The following UBE2W variants were observed in gnomAD, a reference collection of about 807,000 sequenced individuals.
UBE2W encodes ubiquitin-conjugating enzyme E2 W.
Under a neutral mutation model 27.2 loss-of-function variants are expected in UBE2W, and 18 were observed. The ratio of observed to expected loss-of-function variants is 0.66; its 90% CI spans 0.46 to 0.98. UBE2W has a LOEUF of 0.98. Ranked by LOEUF, UBE2W falls within the 50% of genes least tolerant of loss-of-function variation. The pLI is 0.00. For missense variants in UBE2W, 90 were observed against 180.2 expected, an observed-to-expected ratio of 0.50 and a Z score of 2.87; for synonymous variants, 53 against 57.2, an observed-to-expected ratio of 0.93 and a Z score of 0.33.
intron 1 of UBE2W, among the ~76,000 whole-genome samples, chr8:73,867,484 G>A (rs1193383775): frequency 6.6e-6 from 1 of 151,402 alleles, no homozygotes; most frequent in East Asian, 1.9e-4. Flanking sequence ...GCAGTGAGCC[G>A]AGATCACGCC....
chr8:73,802,907 C>T (rs1247782886), intron 5 of UBE2W, among the ~76,000 whole-genome samples: 5 of 152,228 alleles, frequency 3.3e-5, no homozygotes, highest in Non-Finnish European at 7.3e-5. Context: ...CCTGTAGTCC[C>T]AGCTACGCGG....
At chr8:73,812,407 T>TA (rs767986316) in intron 3 of UBE2W, among the ~76,000 whole-genome samples, 138 of 151,526 alleles carry the variant, frequency 9.1e-4, no homozygotes, top group Non-Finnish European at 1.3e-3. Flanking sequence ...TACTTTTTGC[T>TA]AAAAAAAAGT....
At chr8:73,848,846 T>C (rs997847487) in intron 1 of UBE2W, among the ~76,000 whole-genome samples, 3 of 152,218 alleles carry the variant, frequency 2.0e-5, no homozygotes, top group Non-Finnish European at 4.4e-5. Context: ...TTTGTGAATA[T>C]ATGAACTTTA....
Position 73,789,307 on chromosome 8 carries a change from TAAAAAAAAAA to T in UBE2W, c.*4785_*4794del, listed in dbSNP as rs10652083. 2.3e-3 allele frequency: 94 copies of T among 40,058 alleles called. 2 individuals carry two copies. The highest frequency in any genetic ancestry group is 0.015 in the East Asian group (13 of 866). 2.5% of individuals were successfully genotyped at this position (40,058 alleles called of 1,614,324 possible). On this transcript the variant is annotated 3_prime_UTR_variant, in exon 6 of 6. Transcript: ENST00000602593. ...GCAACATGGTGAGACCTCGTGTCTT[TAAAAAAAAAA>T]AAAAAAAAAAAAAAAAAAAAAAAAA... is the stretch of plus-strand genomic sequence containing the variant.
chr8:73,791,202 TTC>T lies in UBE2W; in HGVS notation c.*2898_*2899del. ...AACCATAAAATGTATTTTTAAAAAA[TTC>T]TCTTAAAAACTGAAAACAATCCTTC... On this transcript the variant is annotated 3_prime_UTR_variant, in exon 6 of 6. Coordinates refer to ENST00000602593, the MANE Select transcript of UBE2W (RefSeq NM_018299.6). 1 of 983,532 alleles carries T rather than the reference TTC, an allele frequency of 1.0e-6. No individual in the cohort carries two copies. The highest frequency in any genetic ancestry group is 1.2e-6 in the Non-Finnish European group (1 of 829,112). The allele number at this position is 983,532 out of a possible 1,614,324, so 60.9% of individuals were successfully genotyped here.
intron 1 of UBE2W, among the ~76,000 whole-genome samples, chr8:73,853,578 T>C (rs1359100767): frequency 6.6e-6 from 1 of 152,162 alleles, no homozygotes; most frequent in Admixed American, 6.6e-5. Flanking sequence ...ATATATTTAA[T>C]TGGAAACTCA....
chr8:73,878,609 G>C (rs1812344460), intron 1 of UBE2W, among the ~76,000 whole-genome samples, 199 bp downstream of exon 1: 1 of 152,078 alleles, frequency 6.6e-6, no homozygotes, highest in African/African-American at 2.4e-5. Flanking sequence ...CGCTTCGACC[G>C]ACGGATACCG....
At chr8:73,871,874 A>G (rs1812020809) in intron 1 of UBE2W, among the ~76,000 whole-genome samples, 1 of 152,194 alleles carries the variant, frequency 6.6e-6, no homozygotes, top group East Asian at 1.9e-4. Flanking sequence ...GCTGGAGTGC[A>G]GCGGCACTTT....
chr8:73,782,812 G>A (rs762678229), downstream of UBE2W, among the ~76,000 whole-genome samples: 2 of 152,186 alleles, frequency 1.3e-5, no homozygotes, highest in Non-Finnish European at 2.9e-5. Context: ...GATTTGTATA[G>A]TAGGTATGTG....
chr8:73,865,761 CCTTT>C (rs1260032350), intron 1 of UBE2W, among the ~76,000 whole-genome samples: 2 of 151,970 alleles, frequency 1.3e-5, no homozygotes, highest in Non-Finnish European at 2.9e-5. Context: ...TATATATGTT[CCTTT>C]CATGTAGTAC....
At chr8:73,822,789 A>G (rs1169651288) in intron 3 of UBE2W, among the ~76,000 whole-genome samples, 4 of 151,976 alleles carry the variant, frequency 2.6e-5, no homozygotes, top group African/African-American at 9.7e-5. Context: ...GTCTCAAAAA[A>G]AACAAAACAA....
chr8:73,878,378 C>T (rs528353091), intron 1 of UBE2W, among the ~76,000 whole-genome samples: 35 of 152,332 alleles, frequency 2.3e-4, no homozygotes, highest in Non-Finnish European at 4.1e-4. Context: ...CTCCCGCACA[C>T]TCAGCCCCCC....
At chr8:73,869,109 A>G (rs1811893031) in intron 1 of UBE2W, among the ~76,000 whole-genome samples, 1 of 152,244 alleles carries the variant, frequency 6.6e-6, no homozygotes, top group South Asian at 2.1e-4. Flanking sequence ...GTATTCATAC[A>G]AGCTACAACA....
At position 73,788,230 on chromosome 8, in the gene UBE2W, C is replaced by T. The variant is rs1425751714; in HGVS notation, c.*5872G>A. 1 of 941,982 alleles carries T rather than the reference C, an allele frequency of 1.1e-6. No homozygotes were observed. The highest frequency in any genetic ancestry group is 1.3e-6 in the Non-Finnish European group (1 of 790,748). The allele number at this position is 941,982 out of a possible 1,614,324, so 58.4% of individuals were successfully genotyped here. A position where few individuals can be genotyped will look rare whatever the true frequency, so the allele number is the denominator to read the frequency against. On this transcript the variant is annotated 3_prime_UTR_variant, in exon 6 of 6. Coordinates refer to ENST00000602593, the MANE Select transcript of UBE2W (RefSeq NM_018299.6). The stretch of plus-strand genomic sequence containing the variant: ...GATACATGTATTAAAAAATATATAA[C>T]ATAGATTTGTCTGTTTTAACATTTA...
At position 73,823,085 on chromosome 8, in the gene UBE2W, A is replaced by G. The variant is rs7007687; in HGVS notation, c.210+2062T>C. Among the ~76,000 whole-genome samples, 433 of 152,272 alleles carry G rather than the reference A, an allele frequency of 2.8e-3. 4 individuals carry two copies. The highest frequency in any genetic ancestry group is 0.01 in the Middle Eastern group (3 of 294). On this transcript the variant is annotated intron_variant, in intron 3 of 5. Transcript: ENST00000602593. The stretch of plus-strand genomic sequence containing the variant: ...TCCCAGAGCTGTAGATCTGGGAGTT[A>G]GCTGCTTAAGGTGACTGAAGGTGAA...
intron 3 of UBE2W, among the ~76,000 whole-genome samples, chr8:73,812,309 C>T (rs531633803): frequency 3.3e-5 from 5 of 151,696 alleles, no homozygotes; most frequent in Non-Finnish European, 7.4e-5. Flanking sequence ...GCAGAAGACT[C>T]CCTGAAAGGA....
At chr8:73,809,303 T>C (rs935660996) in intron 4 of UBE2W, among the ~76,000 whole-genome samples, 3 of 152,180 alleles carry the variant, frequency 2.0e-5, no homozygotes, top group Non-Finnish European at 4.4e-5. Flanking sequence ...GTTCTCCAAA[T>C]ACTAATTTAA....
chr8:73,869,863 CCTGTCTCAA>C (rs1811928005), intron 1 of UBE2W, among the ~76,000 whole-genome samples: 1 of 151,720 alleles, frequency 6.6e-6, no homozygotes, highest in African/African-American at 2.4e-5. Context: ...CCCTGTCTCA[CCTGTCTCAA>C]ACAAACAGCT....
chr8:73,840,867 AAAAT>A (rs1283366596), intron 1 of UBE2W, among the ~76,000 whole-genome samples: 1 of 152,334 alleles, frequency 6.6e-6, no homozygotes, highest in East Asian at 1.9e-4. Context: ...AATATGAAGA[AAAAT>A]AAAGCAAATT....
Sources: allele counts gnomAD v4.1 joint callset (sites outside exome capture counted in the v4.1 genomes callset), GRCh38; gene constraint gnomAD v4.1.1; transcripts MANE v1.5; gene names NCBI Gene and HGNC (gene_info 2026-07-23, HGNC 2026-07-21).